PKN3: variants seen among roughly 807,000 people sequenced by gnomAD.
The protein encoded by PKN3 is serine/threonine-protein kinase N3.
PKN3 carries 91 observed loss-of-function variants against 113.1 expected under a neutral mutation model. The ratio of observed to expected loss-of-function variants is 0.80; its 90% CI spans 0.68 to 0.96. The LOEUF (loss-of-function observed/expected upper bound fraction) is 0.96. Among genes scored for constraint, PKN3 ranks in the 40% least tolerant of loss-of-function variants. The probability of loss-of-function intolerance (pLI) is 0.00; values close to 1 mark genes in which losing one functional copy is unlikely to be tolerated. For missense variants in PKN3, 1,052 were observed against 1,202.2 expected, an observed-to-expected ratio of 0.88 and a Z score of 1.85; for synonymous variants, 467 against 499.0, an observed-to-expected ratio of 0.94 and a Z score of 0.85.
chr9:128,717,718 T>C (rs1399049220), intron 16 of PKN3, among the ~76,000 whole-genome samples: 1 of 117,442 alleles, frequency 8.5e-6, no homozygotes, highest in Non-Finnish European at 1.7e-5. Context: ...TGAGACTCCA[T>C]CTAAAAAAAA....
intron 16 of PKN3, among the ~76,000 whole-genome samples, chr9:128,717,503 G>A (rs1427104272): frequency 2.0e-5 from 3 of 151,398 alleles, no homozygotes; most frequent in African/African-American, 4.8e-5. Flanking sequence ...AGGCTGAGGC[G>A]GGTGGATCAC....
rs765430335 is a variant in PKN3, at chr9:128,713,641, A to G, written c.1235A>G (p.Gln412Arg). The change falls in exon 9 of 22, where the codon CAG becomes CGG. Residue 412 changes from glutamine (Q) to arginine (R), a missense_variant and splice_region_variant. By Grantham distance (43) the Gln-to-Arg change is conservative (BLOSUM62 1). Around this residue, in one of 2 missense-constraint regions of PKN3, gnomAD observed 719 missense variants for 759.4 expected, o/e 0.95. Transcript: ENST00000291906. ...SLVPQGLLFA[Q>R]VTFCDPVIER... ...GTACCGCAGGGACTGCTTTTTGCCC[A>G]GGTGCTCACCACCTCCGCCCTCTGA... is the stretch of plus-strand genomic sequence containing the variant. 5 of 1,613,374 alleles carry G rather than the reference A, an allele frequency of 3.1e-6. No homozygotes were observed. In the East Asian group the frequency reaches 6.7e-5, roughly 22 times the overall value.
At chr9:128,702,964 G>T in intron 1 of PKN3, 25 bp downstream of exon 1, 1 of 1,387,250 alleles carries the variant, frequency 7.2e-7, no homozygotes, top group Non-Finnish European at 9.3e-7. Flanking sequence ...AGGGGCGCGC[G>T]GGCCCGGGGG....
chr9:128,708,198 T>C (rs1259969223), intron 6 of PKN3, among the ~76,000 whole-genome samples: 1 of 150,702 alleles, frequency 6.6e-6, no homozygotes, highest in Non-Finnish European at 1.5e-5. Context: ...CTGGCCAACA[T>C]GGTGAAATCC....
intron 11 of PKN3, 96 bp downstream of exon 11, chr9:128,714,461 G>A: frequency 8.4e-7 from 1 of 1,192,536 alleles, no homozygotes; most frequent in Non-Finnish European, 1.3e-6. Context: ...GCATTGCTCA[G>A]CCCGCTAACC....
chr9:128,720,102 A>T lies in PKN3; in HGVS notation c.2376+85A>T, dbSNP rs1862486775. On this transcript the variant is annotated intron_variant, in intron 20 of 21. Coordinates refer to ENST00000291906, the MANE Select transcript of PKN3 (RefSeq NM_013355.5). The surrounding 1 kb of genome is among the most constrained non-coding windows in gnomAD (Gnocchi z 5.5). ...GCCGTGGGACAGCAGACCCCCTGCC[A>T]CCCATCCTTAGAGCGCTCTGGGCCA... 19 of 1,529,944 alleles carry T rather than the reference A, an allele frequency of 1.2e-5. No homozygotes were observed. The highest frequency in any genetic ancestry group is 1.7e-5 in the Non-Finnish European group (19 of 1,106,442). 94.8% of individuals were successfully genotyped at this position (1,529,944 alleles called of 1,614,324 possible). A position where few individuals can be genotyped will look rare whatever the true frequency, so the allele number is the denominator to read the frequency against.
At chr9:128,718,183 A>G (rs1862401245) in intron 16 of PKN3, 142 bp from the exon 17 acceptor site, 1 of 721,786 alleles carries the variant, frequency 1.4e-6, no homozygotes, top group Non-Finnish European at 2.5e-6. Context: ...CACCCTCAGC[A>G]TGATGCTTGT....
chr9:128,717,117 C>CTTTTTT (rs34182369), intron 16 of PKN3, among the ~76,000 whole-genome samples, 194 bp downstream of exon 16: 296 of 24,370 alleles, frequency 0.012, 112 homozygotes, highest in African/African-American at 0.021. Context: ...CATTAGGTTT[C>CTTTTTT]TTTTTTTTTT....
chr9:128,715,996 A>C lies in PKN3; in HGVS notation c.1808+536A>C, dbSNP rs1476357254. ...ACAGAATGAGACCTCATCTAAAAAA[A>C]CTAATTAAAAAAAAAAAAAGGAGGG... On this transcript the variant is annotated intron_variant, in intron 15 of 21. Transcript: ENST00000291906. The surrounding 1 kb of genome is among the most constrained non-coding windows in gnomAD (Gnocchi z 4.1). 1.3e-5 allele frequency among the ~76,000 whole-genome samples: 2 copies of C among 150,956 alleles called. No homozygotes were observed. Among genetic ancestry groups the C allele is most frequent in the Non-Finnish European group, 2.9e-5 (2 of 67,806 alleles).
At position 128,715,066 on chromosome 9, in the gene PKN3, A is replaced by G. The variant is rs1862299886; in HGVS notation, c.1653-106A>G. Reference sequence around the variant, plus strand: ...CTTACTGCAGGGCTTTTTCGAGCCCATAGGTCGGGACAGCCCAGGACTGGG... The same window carrying G: ...CTTACTGCAGGGCTTTTTCGAGCCCGTAGGTCGGGACAGCCCAGGACTGGG... On this transcript the variant is annotated intron_variant, in intron 13 of 21. Coordinates refer to ENST00000291906, the MANE Select transcript of PKN3 (RefSeq NM_013355.5). The surrounding 1 kb of genome is among the most constrained non-coding windows in gnomAD (Gnocchi z 4.1). The G allele has an allele frequency of 7.9e-7, 1 of 1,266,752 alleles. No individual in the cohort carries two copies. The highest frequency in any genetic ancestry group is 2.3e-5 in the East Asian group (1 of 42,974). The allele number at this position is 1,266,752 out of a possible 1,614,324, so 78.5% of individuals were successfully genotyped here.
chr9:128,718,421 G>C, intron 17 of PKN3, 34 bp downstream of exon 17: 1 of 1,567,284 alleles, frequency 6.4e-7, no homozygotes, highest in Non-Finnish European at 8.8e-7. Context: ...CGGGGGTAGG[G>C]GTGGGGGTGG....
rs367707758 is a variant in PKN3 at position 128,714,376 on chromosome 9, C to G, written c.1481+11C>G. The G allele has an allele frequency of 4.4e-6, 7 of 1,595,864 alleles. No individual in the cohort carries two copies. In the African/African-American group the frequency reaches 9.5e-5, roughly 22 times the overall value. ...CCCTGCCACTCCCAGGTGAGGAGCT[C>G]CCTTGCCCTAGACTGCATGCTCCTC... On this transcript the variant is annotated intron_variant, in intron 11 of 21. Coordinates refer to ENST00000291906, the MANE Select transcript of PKN3 (RefSeq NM_013355.5).
Position 128,702,752 on chromosome 9 carries a change from G to T in PKN3, c.-164G>T. The T allele has an allele frequency of 1.8e-6, 1 of 554,588 alleles. No individual in the cohort carries two copies. Among genetic ancestry groups the T allele is most frequent in the Non-Finnish European group, 3.1e-6 (1 of 323,044 alleles). 34.4% of individuals were successfully genotyped at this position (554,588 alleles called of 1,614,324 possible). On this transcript the variant is annotated 5_prime_UTR_variant, in exon 1 of 22. Transcript: ENST00000291906. The stretch of plus-strand genomic sequence containing the variant: ...CGCTGGATCGGCGCGGACGGGAGGC[G>T]GCGCTGGTCCCGCGGGCCAGCGGGT...
Position 128,715,056 on chromosome 9 carries a change from T to C in PKN3, c.1653-116T>C. On this transcript the variant is annotated intron_variant, in intron 13 of 21. Transcript: ENST00000291906. This position sits in a 1 kb window ranked among gnomAD's most constrained non-coding sequence, Gnocchi z 4.1. Reference sequence around the variant, plus strand: ...TCTAGGAGTCCTTACTGCAGGGCTTTTTCGAGCCCATAGGTCGGGACAGCC... The same window carrying C: ...TCTAGGAGTCCTTACTGCAGGGCTTCTTCGAGCCCATAGGTCGGGACAGCC... 1 of 1,206,070 alleles carries C rather than the reference T, an allele frequency of 8.3e-7. No homozygotes were observed. Among genetic ancestry groups the C allele is most frequent in the Non-Finnish European group, 1.2e-6 (1 of 823,678 alleles). The allele number at this position is 1,206,070 out of a possible 1,614,324, so 74.7% of individuals were successfully genotyped here.
At chr9:128,705,265 G>A (rs1225117093) in intron 1 of PKN3, 38 bp from the exon 2 acceptor site, 12 of 1,548,160 alleles carry the variant, frequency 7.8e-6, no homozygotes, top group Non-Finnish European at 9.6e-6. Flanking sequence ...TGCACCCCAT[G>A]GCTGTTCTCC....
At position 128,714,556 on chromosome 9, in the gene PKN3, CTACAG is replaced by C. The variant is rs771535755; in HGVS notation, c.1482-3_1483del. 8.4e-7 allele frequency: 1 copy of C among 1,186,396 alleles called. No individual in the cohort carries two copies. The highest frequency in any genetic ancestry group is 1.2e-5 in the South Asian group (1 of 82,718). 73.5% of individuals were successfully genotyped at this position (1,186,396 alleles called of 1,614,324 possible). A position where few individuals can be genotyped will look rare whatever the true frequency, so the allele number is the denominator to read the frequency against. On this transcript the variant is annotated splice_acceptor_variant and splice_polypyrimidine_tract_variant and intron_variant, in intron 11 of 21. Transcript: ENST00000291906. LOFTEE classifies it high-confidence loss of function. ...GCTGGGCACTGTGTCTACTTTCTCCCTACAGTAATTTCCTGCCCAAGAAGACCCCC... is the reference window on the plus strand; with the variant it reads ...GCTGGGCACTGTGTCTACTTTCTCCCTAATTTCCTGCCCAAGAAGACCCCC...
Position 128,719,693 on chromosome 9 carries a change from C to T in PKN3, c.2133C>T (p.Gly711=). The T allele has an allele frequency of 6.5e-7, 1 of 1,549,894 alleles. No individual in the cohort carries two copies. Among genetic ancestry groups the T allele is most frequent in the Non-Finnish European group, 8.7e-7 (1 of 1,148,208 alleles). ...ADFGLCKEGI[G]FGDRTSTFCG... ...GTGCCTGTTGGTTTGCAGGGATCGG[C>T]TTCGGGGACCGGACTAGCACCTTCT... Residue 711 remains glycine, a synonymous_variant, in exon 19 of 22, where the codon GGC becomes GGT. Transcript: ENST00000291906.
chr9:128,705,185 G>T, intron 1 of PKN3, 118 bp from the exon 2 acceptor site: 2 of 1,310,768 alleles, frequency 1.5e-6, no homozygotes, highest in Non-Finnish European at 2.1e-6. Context: ...AAAACCCTGT[G>T]CGAGTCAGTC....
At chr9:128,703,457 CG>C in intron 1 of PKN3, 1 of 985,300 alleles carries the variant, frequency 1.0e-6, no homozygotes, top group Non-Finnish European at 1.2e-6. Flanking sequence ...CGCCCCAGGG[CG>C]GGAACCTTTG....
Sources: allele counts gnomAD v4.1 joint callset (sites outside exome capture counted in the v4.1 genomes callset), GRCh38; gene constraint gnomAD v4.1.1; regional missense constraint gnomAD v4.1.1; non-coding constraint Gnocchi (gnomAD v3.1); transcripts MANE v1.5; gene names NCBI Gene and HGNC (gene_info 2026-07-23, HGNC 2026-07-21).